Variants in PLSCR5 observed in about 807,000 individuals in gnomAD.
The protein encoded by PLSCR5 is phospholipid scramblase family member 5, also known as phospholipid scramblase family, member 5.
A neutral mutation model predicts 33.6 loss-of-function variants in PLSCR5; 44 were observed. That is an observed-to-expected ratio of 1.31 (90% CI 1.03 to 1.69). The LOEUF (loss-of-function observed/expected upper bound fraction) is 1.69. Among genes scored for constraint, PLSCR5 ranks in the 40% most tolerant of loss-of-function variants. PLSCR5 has a pLI of 0.00. For missense variants in PLSCR5, 375 were observed against 318.7 expected, an observed-to-expected ratio of 1.18 and a Z score of -1.34; for synonymous variants, 148 against 112.3, an observed-to-expected ratio of 1.32 and a Z score of -2.01.
chr3:146,589,209 C>T (rs2044689139), intron 6 of PLSCR5, among the ~76,000 whole-genome samples: 1 of 152,138 alleles, frequency 6.6e-6, no homozygotes, highest in African/African-American at 2.4e-5. Context: ...CAAATCATTT[C>T]ATGTGTCTAT....
At chr3:146,592,798 T>C (rs954252071) in intron 4 of PLSCR5, among the ~76,000 whole-genome samples, 2 of 152,160 alleles carry the variant, frequency 1.3e-5, no homozygotes. Flanking sequence ...TTATGTTTAA[T>C]TTATGACCCT....
rs1164444953 is a variant in PLSCR5 at position 146,605,326 on chromosome 3, G to C, written c.-114C>G. On this transcript the variant is annotated 5_prime_UTR_variant, in exon 1 of 8. Coordinates refer to ENST00000443512, the MANE Select transcript of PLSCR5 (RefSeq NM_001085420.2). ...ACAAAACTTCAGAACGTGTTTGTCT[G>C]CCTCTTGTCAGCTTACATATAACAG... 1 of 1,571,362 alleles carries C rather than the reference G, an allele frequency of 6.4e-7. No individual in the cohort carries two copies. The highest frequency in any genetic ancestry group is 1.4e-5 in the African/African-American group (1 of 73,536).
At chr3:146,584,303 T>C (rs112714275), downstream of PLSCR5, among the ~76,000 whole-genome samples, 648 of 152,102 alleles carry the variant, frequency 4.3e-3, 1 homozygote, top group Non-Finnish European at 6.6e-3. Context: ...ATCACCAGAG[T>C]TCTTCAAGGT....
At chr3:146,596,979 G>A (rs1025376307) in intron 2 of PLSCR5, among the ~76,000 whole-genome samples, 6 of 152,164 alleles carry the variant, frequency 3.9e-5, no homozygotes, top group African/African-American at 1.2e-4. Flanking sequence ...CATTAGTTCT[G>A]TTATCTTCTG....
intron 6 of PLSCR5, among the ~76,000 whole-genome samples, chr3:146,587,033 A>G (rs893311786): frequency 2.0e-5 from 3 of 152,218 alleles, no homozygotes; most frequent in African/African-American, 7.2e-5. Context: ...TTCTCCCTTA[A>G]ATGCTGGAGT....
At chr3:146,597,430 G>A (rs6795178) in intron 2 of PLSCR5, among the ~76,000 whole-genome samples, 9 of 151,780 alleles carry the variant, frequency 5.9e-5, no homozygotes, top group Admixed American at 2.0e-4. Flanking sequence ...GTTTCTTTAC[G>A]GACATCACTA....
Position 146,589,674 on chromosome 3 carries a change from C to A in PLSCR5, c.756G>T (p.Met252Ile). The A allele has an allele frequency of 6.3e-7, 1 of 1,592,182 alleles. No homozygotes were observed. The highest frequency in any genetic ancestry group is 8.6e-7 in the Non-Finnish European group (1 of 1,166,012). ...TTACAAAGAGAAAACAGGCACCGAT[C>A]ATTGCTGCTTTGACTGTTACATCTA... is the stretch of plus-strand genomic sequence containing the variant. ...ADLDVTVKAA[M>I]IGACFLFDFM... The change falls in exon 6 of 8, where the codon ATG becomes ATT. Residue 252 changes from methionine to isoleucine, a missense_variant. Transcript: ENST00000443512.
At position 146,585,878 on chromosome 3, in the gene PLSCR5, T is replaced by A. The variant is rs964192033; in HGVS notation, c.*109A>T. ...TTTTAATAAATATAATAATTAACAT[T>A]TTTTTTTAACAAAAAAGCAAACATT... is the stretch of plus-strand genomic sequence containing the variant. On this transcript the variant is annotated 3_prime_UTR_variant, in exon 8 of 8. Coordinates refer to ENST00000443512, the MANE Select transcript of PLSCR5 (RefSeq NM_001085420.2). 2.9e-4 allele frequency: 111 copies of A among 379,498 alleles called. No individual in the cohort carries two copies. Among genetic ancestry groups the A allele is most frequent in the Non-Finnish European group, 4.3e-4 (103 of 237,702 alleles). 23.5% of individuals were successfully genotyped at this position (379,498 alleles called of 1,614,324 possible).
intron 5 of PLSCR5, 82 bp downstream of exon 5, chr3:146,591,638 A>AT (rs1310839179): frequency 2.0e-5 from 27 of 1,375,402 alleles, no homozygotes; most frequent in Non-Finnish European, 2.6e-5. Flanking sequence ...AATGAAATTA[A>AT]TTTGAACATA....
intron 1 of PLSCR5, among the ~76,000 whole-genome samples, chr3:146,602,857 A>C (rs185381881): frequency 6.6e-6 from 1 of 152,208 alleles, no homozygotes; most frequent in Non-Finnish European, 1.5e-5. Flanking sequence ...GCATTAATGC[A>C]CTTGGAGCTC....
chr3:146,603,257 T>C (rs1418370278), intron 1 of PLSCR5, among the ~76,000 whole-genome samples: 6 of 152,136 alleles, frequency 3.9e-5, no homozygotes, highest in Non-Finnish European at 7.4e-5. Context: ...CAAGAAAACA[T>C]GATGTTATAA....
intron 6 of PLSCR5, among the ~76,000 whole-genome samples, chr3:146,587,655 A>G (rs1201698746): frequency 6.6e-6 from 1 of 152,000 alleles, no homozygotes; most frequent in Non-Finnish European, 1.5e-5. Context: ...GGAAGAGATG[A>G]CATTAGGCAA....
downstream of PLSCR5, among the ~76,000 whole-genome samples, chr3:146,585,049 G>A (rs1375639374): frequency 1.3e-5 from 2 of 152,054 alleles, no homozygotes; most frequent in Admixed American, 6.6e-5. Context: ...AATAATTATT[G>A]TCATTCATAA....
chr3:146,582,344 A>G (rs1201583302), downstream of PLSCR5, among the ~76,000 whole-genome samples: 1 of 152,216 alleles, frequency 6.6e-6, no homozygotes, highest in East Asian at 1.9e-4. Flanking sequence ...ATCCCCTGAC[A>G]CATGTGCAGT....
chr3:146,596,043 T>C (rs1367210815), intron 2 of PLSCR5, among the ~76,000 whole-genome samples: 1 of 152,190 alleles, frequency 6.6e-6, no homozygotes, highest in Admixed American at 6.6e-5. Flanking sequence ...ATTTGACTTA[T>C]GTAATTAAAA....
At chr3:146,592,486 C>T (rs2044724455) in intron 4 of PLSCR5, among the ~76,000 whole-genome samples, 1 of 152,048 alleles carries the variant, frequency 6.6e-6, no homozygotes, top group Admixed American at 6.6e-5. Flanking sequence ...CATTTGACTC[C>T]ATTACCTTTA....
intron 2 of PLSCR5, among the ~76,000 whole-genome samples, chr3:146,595,603 A>C (rs1224576118): frequency 6.6e-6 from 1 of 152,126 alleles, no homozygotes; most frequent in African/African-American, 2.4e-5. Context: ...CTCTGTCTCA[A>C]TTAAAAAAAA....
chr3:146,589,684 T>G lies in PLSCR5; in HGVS notation c.746A>C (p.Lys249Thr), dbSNP rs759181639. The G allele has an allele frequency of 8.7e-6, 14 of 1,601,972 alleles. No individual in the cohort carries two copies. The highest frequency in any genetic ancestry group is 9.4e-6 in the Non-Finnish European group (11 of 1,171,662). The change falls in exon 6 of 8, where the codon AAA (lysine) becomes ACA (threonine). Residue 249 changes from lysine (K) to threonine (T), a missense_variant. By Grantham distance (78) the Lys-to-Thr change is moderately conservative (BLOSUM62 -1). Transcript: ENST00000443512. ...HVPADLDVTVKAAMIGACFLF... is the reference protein window; with the variant it reads ...HVPADLDVTVTAAMIGACFLF... ...AAAACAGGCACCGATCATTGCTGCT[T>G]TGACTGTTACATCTAGATCTGCAGG...
chr3:146,604,762 T>C (rs1013035192), intron 1 of PLSCR5, among the ~76,000 whole-genome samples: 4 of 152,192 alleles, frequency 2.6e-5, no homozygotes, highest in African/African-American at 9.6e-5. Context: ...TAAGTATATA[T>C]ACCTACTATG....
Sources: allele counts gnomAD v4.1 joint callset (sites outside exome capture counted in the v4.1 genomes callset), GRCh38; gene constraint gnomAD v4.1.1; transcripts MANE v1.5; gene names NCBI Gene and HGNC (gene_info 2026-07-23, HGNC 2026-07-21).